IGSF5: variants seen among roughly 807,000 people sequenced by gnomAD.
IGSF5 encodes immunoglobulin superfamily 5 like.
A neutral mutation model predicts 39.4 loss-of-function variants in IGSF5; 41 were observed. The ratio of observed to expected loss-of-function variants is 1.04; its 90% CI spans 0.81 to 1.35. The LOEUF is 1.35. Among genes scored for constraint, IGSF5 ranks in the 40% most tolerant of loss-of-function variants. The probability of loss-of-function intolerance (pLI) is 0.00; values close to 1 mark genes in which losing one functional copy is unlikely to be tolerated. For synonymous variants in IGSF5, 183 were observed against 175.3 expected (o/e 1.04, Z -0.34); for missense variants, 487 against 494.6 (o/e 0.98, Z 0.15).
intron 4 of IGSF5, among the ~76,000 whole-genome samples, chr21:39,774,519 A>T (rs1039919715): frequency 1.3e-5 from 2 of 152,226 alleles, no homozygotes; most frequent in African/African-American, 4.8e-5. Context: ...TTTAGAGAAA[A>T]ACATACTGGG....
At chr21:39,798,989 A>T (rs1053013929) in intron 8 of IGSF5, among the ~76,000 whole-genome samples, 3 of 152,224 alleles carry the variant, frequency 2.0e-5, no homozygotes, top group African/African-American at 7.2e-5. Flanking sequence ...AAGGCCAGAC[A>T]CTGTGGCCAG....
chr21:39,787,803 T>C (rs182710218), intron 5 of IGSF5, among the ~76,000 whole-genome samples: 1 of 152,272 alleles, frequency 6.6e-6, no homozygotes, highest in African/African-American at 2.4e-5. Context: ...AAAGCAGCAG[T>C]GATTGATAAC....
the IGSF5 span, among the ~76,000 whole-genome samples, chr21:39,725,141 T>C: frequency 6.6e-6 from 1 of 152,236 alleles, no homozygotes; most frequent in African/African-American, 2.4e-5. Flanking sequence ...CAGATAGAGA[T>C]CAGGATTCCC....
At chr21:39,770,117 A>G (rs1488227517) in intron 3 of IGSF5, among the ~76,000 whole-genome samples, 2 of 152,152 alleles carry the variant, frequency 1.3e-5, no homozygotes, top group African/African-American at 4.8e-5. Context: ...GAGTTTCAGC[A>G]TGTTTTTCTT....
chr21:39,741,151 G>T (rs950074028), upstream of IGSF5, among the ~76,000 whole-genome samples: 2 of 152,072 alleles, frequency 1.3e-5, no homozygotes, highest in Non-Finnish European at 2.9e-5. Flanking sequence ...TGCCCCGTTA[G>T]CAAGCTTAGC....
chr21:39,782,539 C>A (rs916723359), intron 5 of IGSF5, among the ~76,000 whole-genome samples: 2 of 152,196 alleles, frequency 1.3e-5, no homozygotes, highest in Non-Finnish European at 1.5e-5. Flanking sequence ...CAGTCCCTGG[C>A]AACCACGATT....
At chr21:39,719,366 C>T in the IGSF5 span, among the ~76,000 whole-genome samples, 1 of 152,106 alleles carries the variant, frequency 6.6e-6, no homozygotes, top group African/African-American at 2.4e-5. Flanking sequence ...CCTCAAGGCA[C>T]CAAAACCAGT....
At chr21:39,720,965 A>G in the IGSF5 span, among the ~76,000 whole-genome samples, 3,632 of 152,282 alleles carry the variant, frequency 0.024, 139 homozygotes, top group African/African-American at 0.083. Flanking sequence ...CCCAAAGAGA[A>G]CACAGCCTTA....
At chr21:39,765,942 G>T in intron 3 of IGSF5, 90 bp downstream of exon 3, 1 of 1,198,748 alleles carries the variant, frequency 8.3e-7, no homozygotes, top group South Asian at 1.5e-5. Flanking sequence ...TATGATGGCA[G>T]ACGTGGTCTA....
At chr21:39,757,281 C>T (rs2080035997) in intron 2 of IGSF5, among the ~76,000 whole-genome samples, 1 of 151,878 alleles carries the variant, frequency 6.6e-6, no homozygotes, top group East Asian at 1.9e-4. Flanking sequence ...GGTTGCCTTT[C>T]CTTTTGAGAA....
the IGSF5 span, among the ~76,000 whole-genome samples, chr21:39,724,731 G>A: frequency 6.6e-6 from 1 of 152,230 alleles, no homozygotes; most frequent in Non-Finnish European, 1.5e-5. Context: ...TGGGTGATCA[G>A]TTGGTCATCA....
chr21:39,728,344 T>C, the IGSF5 span, among the ~76,000 whole-genome samples: 2 of 152,130 alleles, frequency 1.3e-5, no homozygotes, highest in Admixed American at 1.3e-4. Context: ...GGGAAAAGAC[T>C]GTGTGATGGT....
intron 2 of IGSF5, among the ~76,000 whole-genome samples, chr21:39,757,067 TC>T (rs1426802896): frequency 6.6e-6 from 1 of 151,030 alleles, no homozygotes; most frequent in East Asian, 2.0e-4. Flanking sequence ...TAGTACCTGC[TC>T]TTTCCTCTGC....
At position 39,795,184 on chromosome 21, in the gene IGSF5, C is replaced by A. The variant is rs529741364; in HGVS notation, c.1128+1571C>A. Among the ~76,000 whole-genome samples the A allele has an allele frequency of 1.1e-3, 168 of 152,232 alleles. 1 individual carries two copies. The highest frequency in any genetic ancestry group is 6.9e-3 in the South Asian group (33 of 4,814). ...GAGGTAATGTTTTTTCCATCAGGGC[C>A]GCTCTCTTTGGCACATACATCTTTT... is the stretch of plus-strand genomic sequence containing the variant. On this transcript the variant is annotated intron_variant, in intron 8 of 8. Transcript: ENST00000380588.
At chr21:39,770,504 T>A (rs940957516) in intron 3 of IGSF5, among the ~76,000 whole-genome samples, 2 of 152,184 alleles carry the variant, frequency 1.3e-5, no homozygotes, top group Non-Finnish European at 2.9e-5. Flanking sequence ...CTCGTCACAG[T>A]GAGAAGAAGG....
At chr21:39,763,781 G>A (rs893067040) in intron 2 of IGSF5, among the ~76,000 whole-genome samples, 1 of 152,108 alleles carries the variant, frequency 6.6e-6, no homozygotes, top group African/African-American at 2.4e-5. Context: ...CCCTCGGGGC[G>A]CAGACTCGGC....
At chr21:39,801,215 A>G (rs375164041) in intron 8 of IGSF5, 47 bp from the exon 9 acceptor site, 1 of 1,377,504 alleles carries the variant, frequency 7.3e-7, no homozygotes. Flanking sequence ...TGCATTTTAC[A>G]GTGATCTCAA....
chr21:39,719,325 C>T, the IGSF5 span, among the ~76,000 whole-genome samples: 1 of 152,142 alleles, frequency 6.6e-6, no homozygotes, highest in Non-Finnish European at 1.5e-5. Context: ...CTGTAAGCTC[C>T]ATGAGGGCAG....
rs1026876736 is a variant in IGSF5, at chr21:39,769,110, G to T, written c.419-1806G>T. Among the ~76,000 whole-genome samples the T allele has an allele frequency of 2.0e-5, 3 of 152,162 alleles. No individual in the cohort carries two copies. In the South Asian group the frequency reaches 6.2e-4, roughly 32 times the overall value. ...AGGTCCATTCAAAGTGCCAGATAGT[G>T]CAATGGGTTTCAACATAACAGAAAA... is the stretch of plus-strand genomic sequence containing the variant. On this transcript the variant is annotated intron_variant, in intron 3 of 8. Coordinates refer to ENST00000380588, the MANE Select transcript of IGSF5 (RefSeq NM_001080444.2).
Sources: allele counts gnomAD v4.1 joint callset (sites outside exome capture counted in the v4.1 genomes callset), GRCh38; gene constraint gnomAD v4.1.1; transcripts MANE v1.5; gene names NCBI Gene and HGNC (gene_info 2026-07-23, HGNC 2026-07-21).